Variants in CHD7 observed in about 807,000 individuals in gnomAD.
The protein encoded by CHD7 is chromodomain helicase DNA binding protein 7, also known as ATP-dependent chromatin remodeler CHD7.
A neutral mutation model predicts 307.3 loss-of-function variants in CHD7; 24 were observed. The ratio of observed to expected loss-of-function variants is 0.08; its 90% CI spans 0.06 to 0.11. The LOEUF is 0.11. Among genes scored for constraint, CHD7 ranks in the 10% least tolerant of loss-of-function variants. The pLI is 1.00. For missense variants in CHD7, 3,106 were observed against 3,727.1 expected, an observed-to-expected ratio of 0.83 and a Z score of 4.34; for synonymous variants, 1,363 against 1,349.9, an observed-to-expected ratio of 1.01 and a Z score of -0.21.
intron 8 of CHD7, among the ~76,000 whole-genome samples, chr8:60,818,041 A>G (rs1173920301): frequency 1.3e-5 from 2 of 152,212 alleles, no homozygotes; most frequent in East Asian, 3.8e-4. Flanking sequence ...TTACCTGGTA[A>G]CTTGGCAGCT....
intron 19 of CHD7, among the ~76,000 whole-genome samples, chr8:60,841,257 T>C (rs1235140731): frequency 6.6e-6 from 1 of 152,250 alleles, no homozygotes; most frequent in East Asian, 1.9e-4. Context: ...GCACATGCTC[T>C]GCTGTGAACA....
At position 60,819,911 on chromosome 8, in the gene CHD7, T is replaced by C. The variant is rs1384241130; in HGVS notation, c.2614-96T>C. ...TTGCCAAATGTAAGTTTTATATTGC[T>C]GTGACCCAAAATATTATTGCTTGGT... is the stretch of plus-strand genomic sequence containing the variant. On this transcript the variant is annotated intron_variant, in intron 8 of 37. Transcript: ENST00000423902. The C allele has an allele frequency of 5.9e-6, 5 of 853,182 alleles. No homozygotes were observed. The African/African-American group carries it at 6.7e-5, about 11-fold the overall frequency. The allele number at this position is 853,182 out of a possible 1,614,324, so 52.9% of individuals were successfully genotyped here. A position where few individuals can be genotyped will look rare whatever the true frequency, so the allele number is the denominator to read the frequency against.
At chr8:60,798,206 T>C (rs949464791) in intron 4 of CHD7, among the ~76,000 whole-genome samples, 1 of 149,272 alleles carries the variant, frequency 6.7e-6, no homozygotes, top group Non-Finnish European at 1.5e-5. Flanking sequence ...TCTGCTGGAA[T>C]CTCTGTTTCC....
intron 37 of CHD7, chr8:60,862,912 G>T: frequency 4.6e-6 from 2 of 431,104 alleles, no homozygotes; most frequent in Non-Finnish European, 8.3e-6. Context: ...CTCCAGGGGG[G>T]ATTGCCCCAG....
chr8:60,799,522 A>G (rs1812194239), intron 4 of CHD7, among the ~76,000 whole-genome samples: 1 of 152,234 alleles, frequency 6.6e-6, no homozygotes, highest in African/African-American at 2.4e-5. Context: ...ATCTCTTCAG[A>G]AATTTTCAGA....
chr8:60,749,287 C>G (rs1277024191), intron 2 of CHD7, among the ~76,000 whole-genome samples: 1 of 136,430 alleles, frequency 7.3e-6, no homozygotes, highest in East Asian at 2.3e-4. Flanking sequence ...AGGAGAATCG[C>G]TTGAACCCGT....
Position 60,853,117 on chromosome 8 carries a change from T to G in CHD7, c.6392T>G (p.Phe2131Cys), listed in dbSNP as rs776147854. The change falls in exon 31 of 38, where the codon TTT becomes TGT. Residue 2131 changes from phenylalanine (F) to cysteine (C), a missense_variant. Phe to Cys is a radical substitution (Grantham distance 205). This residue lies in a region of CHD7 where 1,030 missense variants were observed against 1,165.4 expected (regional missense o/e 0.88). Coordinates refer to ENST00000423902, the MANE Select transcript of CHD7 (RefSeq NM_017780.4). ...ELSFLDAHKN[F>C]AQNRGAGNTS... ...TCCTTCTTGGATGCACATAAAAACTTTGCTCAAAACAGAGGGGCAGGTAAT... is the reference window on the plus strand; with the variant it reads ...TCCTTCTTGGATGCACATAAAAACTGTGCTCAAAACAGAGGGGCAGGTAAT... The G allele has an allele frequency of 6.8e-6, 11 of 1,613,822 alleles. No homozygotes were observed. The highest frequency in any genetic ancestry group is 4.2e-6 in the Non-Finnish European group (5 of 1,179,888).
At chr8:60,726,016 T>C (rs1808140698) in intron 1 of CHD7, among the ~76,000 whole-genome samples, 1 of 152,186 alleles carries the variant, frequency 6.6e-6, no homozygotes, top group South Asian at 2.1e-4. Flanking sequence ...AGTACACAAG[T>C]TTACTACCAA....
Position 60,865,712 on chromosome 8 carries a change from G to T in CHD7, c.8773G>T (p.Ala2925Ser). 6.2e-7 allele frequency: 1 copy of T among 1,608,170 alleles called. No homozygotes were observed. The highest frequency in any genetic ancestry group is 8.5e-7 in the Non-Finnish European group (1 of 1,176,008). The stretch of plus-strand genomic sequence containing the variant: ...GACGCTGCCTGGGTTCCCAGCATTG[G>T]CAGGACTTCAGAATGCCGTGGGCTC... ...GLTLPGFPALAGLQNAVGSSE... is the reference protein window; with the variant it reads ...GLTLPGFPALSGLQNAVGSSE... The change falls in exon 38 of 38, where the codon GCA (alanine) becomes TCA (serine). Residue 2925 changes from alanine to serine, a missense_variant. Physicochemically the swap from Ala to Ser is moderately conservative, Grantham distance 99. Coordinates refer to ENST00000423902, the MANE Select transcript of CHD7 (RefSeq NM_017780.4). This position sits in a 1 kb window ranked among gnomAD's most constrained non-coding sequence, Gnocchi z 4.3.
At chr8:60,831,073 T>C (rs1350456849) in intron 15 of CHD7, among the ~76,000 whole-genome samples, 1 of 152,166 alleles carries the variant, frequency 6.6e-6, no homozygotes, top group Non-Finnish European at 1.5e-5. Context: ...ACTTAAAGCT[T>C]TGATAATTTA....
Position 60,740,909 on chromosome 8 carries a change from C to T in CHD7, c.-174-350C>T, listed in dbSNP as rs117928007. Among the ~76,000 whole-genome samples, 1,015 of 152,336 alleles carry T rather than the reference C, an allele frequency of 6.7e-3. 5 individuals are homozygous for T. Among genetic ancestry groups the T allele is most frequent in the South Asian group, 0.02 (97 of 4,830 alleles). ...AGCAGATGAGCTGCTTGGCTATATT[C>T]ATACATCTGCTTGCCTGCTGTGGCA... On this transcript the variant is annotated intron_variant, in intron 1 of 37. Transcript: ENST00000423902.
intron 2 of CHD7, among the ~76,000 whole-genome samples, chr8:60,761,409 G>A (rs1052614058): frequency 1.3e-5 from 2 of 151,670 alleles, no homozygotes; most frequent in Non-Finnish European, 2.9e-5. Flanking sequence ...AAGTTAATGG[G>A]TGCAGCGCAC....
intron 1 of CHD7, among the ~76,000 whole-genome samples, chr8:60,693,431 C>T (rs948102708): frequency 6.6e-6 from 1 of 152,250 alleles, no homozygotes; most frequent in Non-Finnish European, 1.5e-5. Context: ...CCCCCTCCAG[C>T]TCTGCTCCTC....
rs1446663182 is a variant in CHD7, at chr8:60,865,619, C to G, written c.8680C>G (p.Leu2894Val). 6.2e-7 allele frequency: 1 copy of G among 1,613,406 alleles called. No homozygotes were observed. ...AAACCCGCTAGCCTTCAACCCTTTC[C>G]TCCTGTCCACAATGGCCCCGGGCCT... ...PSNPLAFNPFLLSTMAPGLFY... is the reference protein window; with the variant it reads ...PSNPLAFNPFVLSTMAPGLFY... The change falls in exon 38 of 38, where the codon CTC becomes GTC. Residue 2894 changes from leucine to valine, a missense_variant. Physicochemically the swap from Leu to Val is conservative, Grantham distance 32 (BLOSUM62 1). Transcript: ENST00000423902. This position sits in a 1 kb window ranked among gnomAD's most constrained non-coding sequence, Gnocchi z 4.3.
At chr8:60,711,435 G>A (rs1288068292) in intron 1 of CHD7, among the ~76,000 whole-genome samples, 1 of 152,160 alleles carries the variant, frequency 6.6e-6, no homozygotes, top group Admixed American at 6.5e-5. Flanking sequence ...ATTAGAAATT[G>A]TCCCTGTCTT....
chr8:60,695,799 A>G (rs1806438475), intron 1 of CHD7, among the ~76,000 whole-genome samples: 1 of 152,228 alleles, frequency 6.6e-6, no homozygotes, highest in Non-Finnish European at 1.5e-5. Context: ...ACTTCTCCTC[A>G]TTAAATTAGC....
intron 7 of CHD7, among the ~76,000 whole-genome samples, chr8:60,815,081 G>A (rs1669451706): frequency 6.6e-6 from 1 of 152,122 alleles, no homozygotes; most frequent in African/African-American, 2.4e-5. Context: ...TTTTCTGTGT[G>A]TGTATGTACA....
chr8:60,725,887 G>T (rs1385881163), intron 1 of CHD7, among the ~76,000 whole-genome samples: 1 of 152,178 alleles, frequency 6.6e-6, no homozygotes, highest in Non-Finnish European at 1.5e-5. Flanking sequence ...TGGAGGTGGT[G>T]CTGGCAGGCA....
chr8:60,722,775 C>A (rs546526369), intron 1 of CHD7, among the ~76,000 whole-genome samples: 1 of 152,154 alleles, frequency 6.6e-6, no homozygotes, highest in Non-Finnish European at 1.5e-5. Context: ...CAGTCTGTTA[C>A]AATATGTTAT....
Sources: allele counts gnomAD v4.1 joint callset (sites outside exome capture counted in the v4.1 genomes callset), GRCh38; gene constraint gnomAD v4.1.1; regional missense constraint gnomAD v4.1.1; non-coding constraint Gnocchi (gnomAD v3.1); transcripts MANE v1.5; gene names NCBI Gene and HGNC (gene_info 2026-07-23, HGNC 2026-07-21).